The following MORC1 variants were observed in gnomAD, a reference collection of about 807,000 sequenced individuals.
MORC1 encodes MORC family CW-type zinc finger 1, also known as MORC family CW-type zinc finger protein 1.
MORC1 carries 59 observed loss-of-function variants against 134.9 expected under a neutral mutation model. That is an observed-to-expected ratio of 0.44 (90% CI 0.35 to 0.54). The LOEUF (loss-of-function observed/expected upper bound fraction) is 0.54, where lower values mean the gene tolerates loss of function less well. MORC1 is among the 20% of genes least tolerant of loss of function. The pLI is 0.00. For synonymous variants in MORC1, 395 were observed against 391.7 expected (o/e 1.01, Z -0.10); for missense variants, 947 against 1,134.5 (o/e 0.83, Z 2.37).
chr3:108,999,775 T>A (rs1948346870), intron 21 of MORC1, among the ~76,000 whole-genome samples: 1 of 152,104 alleles, frequency 6.6e-6, no homozygotes, highest in Admixed American at 6.6e-5. Flanking sequence ...AAGGTAAAAA[T>A]GAAACTATAA....
chr3:109,015,602 C>T (rs1948799291), intron 17 of MORC1, among the ~76,000 whole-genome samples: 1 of 152,166 alleles, frequency 6.6e-6, no homozygotes, highest in Non-Finnish European at 1.5e-5. Flanking sequence ...ATGCTTTTCT[C>T]TTCTTTATAA....
At chr3:109,069,867 CA>C in intron 8 of MORC1, 110 bp from the exon 9 acceptor site, 9 of 1,212,476 alleles carry the variant, frequency 7.4e-6, no homozygotes, top group Non-Finnish European at 9.8e-6. Flanking sequence ...CAAGAAGCTT[CA>C]AGAACTTTTC....
chr3:109,016,916 G>A (rs1273019929), intron 17 of MORC1, among the ~76,000 whole-genome samples: 1 of 152,108 alleles, frequency 6.6e-6, no homozygotes, highest in Non-Finnish European at 1.5e-5. Flanking sequence ...CATCACACCT[G>A]TGTGCTGTAT....
At chr3:109,111,644 T>C (rs946468192) in intron 2 of MORC1, among the ~76,000 whole-genome samples, 1 of 152,112 alleles carries the variant, frequency 6.6e-6, no homozygotes, top group African/African-American at 2.4e-5. Flanking sequence ...GAGGAAGGCA[T>C]AGGCAAGGAA....
intron 14 of MORC1, among the ~76,000 whole-genome samples, 179 bp downstream of exon 14, chr3:109,054,549 G>A (rs550006126): frequency 6.6e-6 from 1 of 152,208 alleles, no homozygotes; most frequent in South Asian, 2.1e-4. Flanking sequence ...TGTTTTTCAC[G>A]ACAGTCTGGG....
At chr3:109,008,958 T>C (rs906821790) in intron 17 of MORC1, among the ~76,000 whole-genome samples, 2 of 152,192 alleles carry the variant, frequency 1.3e-5, no homozygotes, top group East Asian at 1.9e-4. Flanking sequence ...TCTATCACCC[T>C]TGACTTTCCT....
intron 14 of MORC1, among the ~76,000 whole-genome samples, chr3:109,045,097 G>A (rs981121792): frequency 2.6e-5 from 4 of 151,948 alleles, no homozygotes; most frequent in Non-Finnish European, 4.4e-5. Flanking sequence ...AAGCTTTGAT[G>A]GTCTCCATCA....
At position 108,974,718 on chromosome 3, in the gene MORC1, C is replaced by T. The variant is rs530714788; in HGVS notation, c.2478-3316G>A. Among the ~76,000 whole-genome samples, 67 of 152,324 alleles carry T rather than the reference C, an allele frequency of 4.4e-4. 1 individual carries two copies. Among genetic ancestry groups the T allele is most frequent in the African/African-American group, 1.4e-3 (58 of 41,586 alleles). On this transcript the variant is annotated intron_variant, in intron 24 of 27. Coordinates refer to ENST00000232603, the MANE Select transcript of MORC1 (RefSeq NM_014429.4). ...CTTGAAGCATTTACTCAGAATTTTACGCCCAGAGTTGATAATAAAATCAGA... is the reference window on the plus strand; with the variant it reads ...CTTGAAGCATTTACTCAGAATTTTATGCCCAGAGTTGATAATAAAATCAGA...
chr3:109,069,878 C>A, intron 8 of MORC1, 121 bp from the exon 9 acceptor site: 1 of 1,061,676 alleles, frequency 9.4e-7, no homozygotes, highest in Non-Finnish European at 1.3e-6. Context: ...AAGAACTTTT[C>A]TTCTAAAACT....
rs1559903068 is a variant in MORC1, at chr3:109,027,813, C to CTTTCTCA, written c.1635_1641dup (p.Glu548Ter). The CTTTCTCA allele has an allele frequency of 4.3e-6, 7 of 1,613,748 alleles. No homozygotes were observed. The highest frequency in any genetic ancestry group is 5.9e-6 in the Non-Finnish European group (7 of 1,179,882). ...ATGACCGACTCTCTAAGTTGCTTCT[C>CTTTCTCA]TTTCTCATTTTTTGATGGTGATATT... is the stretch of plus-strand genomic sequence containing the variant. On this transcript the variant is annotated stop_gained and frameshift_variant, in exon 17 of 28. Coordinates refer to ENST00000232603, the MANE Select transcript of MORC1 (RefSeq NM_014429.4). LOFTEE classifies it high-confidence loss of function.
intron 11 of MORC1, among the ~76,000 whole-genome samples, chr3:109,060,432 T>C (rs1472753461): frequency 6.6e-6 from 1 of 151,546 alleles, no homozygotes; most frequent in East Asian, 2.0e-4. Flanking sequence ...ACTCATTCAC[T>C]ACTCTAAATC....
intron 24 of MORC1, among the ~76,000 whole-genome samples, chr3:108,972,916 T>C (rs538862830): frequency 1.3e-5 from 2 of 152,172 alleles, no homozygotes; most frequent in Non-Finnish European, 2.9e-5. Context: ...CAGCATTTAC[T>C]AGGGAAGGGG....
At chr3:109,079,142 C>T (rs1025387944) in intron 8 of MORC1, among the ~76,000 whole-genome samples, 1 of 151,914 alleles carries the variant, frequency 6.6e-6, no homozygotes, top group African/African-American at 2.4e-5. Context: ...ATCTATATAC[C>T]AATCAATACT....
intron 17 of MORC1, among the ~76,000 whole-genome samples, chr3:109,022,713 A>G (rs931256777): frequency 7.2e-5 from 11 of 152,220 alleles, no homozygotes; most frequent in African/African-American, 2.4e-4. Context: ...GAGTCAACCA[A>G]TCCAATCAAA....
intron 6 of MORC1, 46 bp from the exon 7 acceptor site, chr3:109,095,114 AC>A (rs1255323089): frequency 2.0e-6 from 3 of 1,503,876 alleles, no homozygotes; most frequent in South Asian, 1.3e-5. Flanking sequence ...TACACAAAAA[AC>A]ATTATTCTTT....
intron 14 of MORC1, among the ~76,000 whole-genome samples, chr3:109,038,289 T>G (rs1316930362): frequency 2.3e-5 from 2 of 86,638 alleles, no homozygotes; most frequent in Non-Finnish European, 5.6e-5. Flanking sequence ...TTGATGGGGT[T>G]TTTTTTTTTT....
chr3:108,969,900 T>C (rs1173205820), intron 25 of MORC1, among the ~76,000 whole-genome samples, 178 bp from the exon 26 acceptor site: 1 of 152,214 alleles, frequency 6.6e-6, no homozygotes, highest in Non-Finnish European at 1.5e-5. Flanking sequence ...TAAATTATAC[T>C]TTGCTTCCTT....
At chr3:108,991,813 T>A (rs1448436925) in intron 21 of MORC1, among the ~76,000 whole-genome samples, 2 of 152,210 alleles carry the variant, frequency 1.3e-5, no homozygotes, top group Non-Finnish European at 2.9e-5. Flanking sequence ...CTCTTCATTC[T>A]ATTCACAGTA....
At position 108,996,271 on chromosome 3, in the gene MORC1, T is replaced by TGCGTGC. The variant is rs200301015; in HGVS notation, c.2187+4280_2187+4285dup. Among the ~76,000 whole-genome samples, 22 of 87,480 alleles carry TGCGTGC rather than the reference T, an allele frequency of 2.5e-4. 1 individual carries two copies. Among genetic ancestry groups the TGCGTGC allele is most frequent in the African/African-American group, 4.7e-4 (11 of 23,618 alleles). The allele number at this position is 87,480 out of a possible 152,430, so 57.4% of individuals were successfully genotyped here. A position where few individuals can be genotyped will look rare whatever the true frequency, so the allele number is the denominator to read the frequency against. On this transcript the variant is annotated intron_variant, in intron 21 of 27. Transcript: ENST00000232603. The stretch of plus-strand genomic sequence containing the variant: ...ACACATGCCTGTGCACATGTGCGCG[T>TGCGTGC]GCGTGCGCGCGCGCGCACACACACA...
Sources: gnomAD v4.1 joint callset for allele counts (sites outside exome capture counted in the v4.1 genomes callset) on GRCh38, gnomAD v4.1.1 for gene constraint, MANE v1.5 for transcripts, NCBI Gene and HGNC (gene_info 2026-07-23, HGNC 2026-07-21) for gene names.